The following CD109 variants were observed in gnomAD, a reference collection of about 807,000 sequenced individuals.
CD109 encodes CD109 antigen.
CD109 carries 149 observed loss-of-function variants against 165.8 expected under a neutral mutation model. The ratio of observed to expected loss-of-function variants is 0.90; its 90% confidence interval spans 0.79 to 1.03. The LOEUF is 1.03. Ranked by LOEUF, CD109 falls within the 50% of genes least tolerant of loss-of-function variation. The probability of loss-of-function intolerance (pLI) is 0.00; values close to 1 mark genes in which losing one functional copy is unlikely to be tolerated. For synonymous variants in CD109, 585 were observed against 592.1 expected, an observed-to-expected ratio of 0.99 and a Z score of 0.18; for missense variants, 1,712 against 1,677.8, an observed-to-expected ratio of 1.02 and a Z score of -0.36.
intron 24 of CD109, among the ~76,000 whole-genome samples, chr6:73,806,116 T>C (rs1775552175): frequency 1.3e-5 from 2 of 152,160 alleles, no homozygotes; most frequent in African/African-American, 4.8e-5. Context: ...CCAGCCCAAA[T>C]GTCCATCAAT....
At chr6:73,708,655 T>C (rs373463778) in intron 2 of CD109, among the ~76,000 whole-genome samples, 5 of 152,092 alleles carry the variant, frequency 3.3e-5, no homozygotes, top group Non-Finnish European at 7.4e-5. Flanking sequence ...TCCTCTCCAG[T>C]ACCTGTTGTT....
chr6:73,725,651 G>A (rs1388174984), intron 3 of CD109, among the ~76,000 whole-genome samples: 2 of 151,870 alleles, frequency 1.3e-5, no homozygotes, highest in African/African-American at 2.4e-5. Context: ...TGGGATTACA[G>A]GCATGCACCA....
intron 15 of CD109, 72 bp downstream of exon 15, chr6:73,771,653 T>C (rs145643478): frequency 5.7e-6 from 6 of 1,045,500 alleles, no homozygotes; most frequent in Non-Finnish European, 7.9e-6. Flanking sequence ...TGTACTACTT[T>C]AAATATTTAA....
chr6:73,702,324 A>G (rs1398423815), intron 2 of CD109, among the ~76,000 whole-genome samples: 1 of 152,114 alleles, frequency 6.6e-6, no homozygotes, highest in African/African-American at 2.4e-5. Flanking sequence ...AAATCATCCA[A>G]TTTGGTTTGG....
chr6:73,707,962 T>TTATATATATATATATATA (rs200081535), intron 2 of CD109, among the ~76,000 whole-genome samples: 1 of 126,820 alleles, frequency 7.9e-6, no homozygotes, highest in Non-Finnish European at 1.6e-5. Flanking sequence ...ATTGTTATCT[T>TTATATATATATATATATA]TATATATATA....
rs553894994 is a variant in CD109 at position 73,745,782 on chromosome 6, G to A, written c.633+9274G>A. On this transcript the variant is annotated intron_variant, in intron 5 of 32. Transcript: ENST00000287097. ...CTCGCTGTGTCACCCAGGCTGGAGT[G>A]CAGTGGCACAATCTTGGCTTACTGT... is the stretch of plus-strand genomic sequence containing the variant. 4.0e-3 allele frequency among the ~76,000 whole-genome samples: 606 copies of A among 152,332 alleles called. 1 individual carries two copies. Among genetic ancestry groups the A allele is most frequent in the Non-Finnish European group, 5.4e-3 (370 of 68,030 alleles).
the CD109 span, among the ~76,000 whole-genome samples, chr6:73,681,614 T>G: frequency 6.6e-6 from 1 of 151,156 alleles, no homozygotes; most frequent in Non-Finnish European, 1.5e-5. Flanking sequence ...CCACTTTTTT[T>G]TTTTTGAAAT....
intron 2 of CD109, among the ~76,000 whole-genome samples, chr6:73,704,887 G>C (rs7774274): frequency 1.3e-5 from 2 of 151,882 alleles, no homozygotes; most frequent in Non-Finnish European, 2.9e-5. Context: ...ATACAATGCG[G>C]TTTGTAAATA....
intron 15 of CD109, among the ~76,000 whole-genome samples, chr6:73,774,654 G>A (rs1218667268): frequency 6.6e-6 from 1 of 152,194 alleles, no homozygotes; most frequent in Non-Finnish European, 1.5e-5. Flanking sequence ...TGGCAGTGAA[G>A]TTGCCAGGAC....
At chr6:73,679,322 A>G in the CD109 span, among the ~76,000 whole-genome samples, 1 of 152,056 alleles carries the variant, frequency 6.6e-6, no homozygotes, top group African/African-American at 2.4e-5. Context: ...AGTCTAACAA[A>G]GTATATTTTG....
At chr6:73,696,988 A>G (rs572170147) in intron 1 of CD109, among the ~76,000 whole-genome samples, 1 of 152,322 alleles carries the variant, frequency 6.6e-6, no homozygotes, top group Non-Finnish European at 1.5e-5. Flanking sequence ...GCAAAATCTT[A>G]GTTAAAAAAT....
At chr6:73,710,857 A>C (rs1448886573) in intron 2 of CD109, among the ~76,000 whole-genome samples, 1 of 152,184 alleles carries the variant, frequency 6.6e-6, no homozygotes, top group African/African-American at 2.4e-5. Context: ...CAGCTGCTCA[A>C]CTCTGCCTTT....
intron 15 of CD109, among the ~76,000 whole-genome samples, chr6:73,774,704 A>AT (rs1353599929): frequency 6.6e-6 from 1 of 152,176 alleles, no homozygotes; most frequent in Non-Finnish European, 1.5e-5. Context: ...AAATAAGAGC[A>AT]AAGTTTAAAA....
At chr6:73,735,664 T>C (rs6924739) in intron 4 of CD109, among the ~76,000 whole-genome samples, 89,991 of 151,882 alleles carry the variant, frequency 0.59, 27,520 homozygotes, top group East Asian at 0.81. Context: ...AACATCTCTC[T>C]AATATGCTTT....
rs1562081498 is a variant in CD109, at chr6:73,807,020, T to C, written c.3137T>C (p.Val1046Ala). 6.2e-7 allele frequency: 1 copy of C among 1,613,996 alleles called. No individual in the cohort carries two copies. The highest frequency in any genetic ancestry group is 8.5e-7 in the Non-Finnish European group (1 of 1,179,922). The change falls in exon 25 of 33, where the codon GTA becomes GCA. Residue 1046 changes from valine (V) to alanine (A), a missense_variant. Physicochemically the swap from Val to Ala is moderately conservative, Grantham distance 64. Coordinates refer to ENST00000287097, the MANE Select transcript of CD109 (RefSeq NM_133493.5). ...CTTCAAGGTGGCAATAAAAGTCCAGTAACACTTACAGCCTATATTGTAACT... is the reference window on the plus strand; with the variant it reads ...CTTCAAGGTGGCAATAAAAGTCCAGCAACACTTACAGCCTATATTGTAACT... ...SELQGGNKSP[V>A]TLTAYIVTSL...
intron 1 of CD109, among the ~76,000 whole-genome samples, chr6:73,696,962 T>C (rs1770863957): frequency 6.6e-6 from 1 of 152,126 alleles, no homozygotes; most frequent in African/African-American, 2.4e-5. Context: ...AGGATAAAGG[T>C]TTGAATAAGA....
Position 73,696,276 on chromosome 6 carries a change from G to A in CD109, c.61G>A (p.Ala21Thr), listed in dbSNP as rs1770829392. 2.0e-6 allele frequency: 3 copies of A among 1,527,736 alleles called. No homozygotes were observed. Among genetic ancestry groups the A allele is most frequent in the Non-Finnish European group, 8.7e-7 (1 of 1,143,042 alleles). The allele number at this position is 1,527,736 out of a possible 1,614,324, so 94.6% of individuals were successfully genotyped here. Residue 21 changes from alanine (A) to threonine (T), a missense_variant, in exon 1 of 33, where the codon GCC (alanine) becomes ACC (threonine). By Grantham distance (58) the Ala-to-Thr change is moderately conservative (BLOSUM62 0). Transcript: ENST00000287097. Reference sequence around the variant, plus strand: ...CCTCTGCGTGTGCACCGCCGCGCTGGCCGTGGCTCCCGGGTAGGAACGTGG... The same window carrying A: ...CCTCTGCGTGTGCACCGCCGCGCTGACCGTGGCTCCCGGGTAGGAACGTGG... ...HLLCVCTAAL[A>T]VAPGPRFLVT...
chr6:73,695,505 C>G (rs1770783250), upstream of CD109: 1 of 151,880 alleles, frequency 6.6e-6, no homozygotes, highest in African/African-American at 2.4e-5. Context: ...TTCCAAGTAG[C>G]AACACCTAAC....
intron 29 of CD109, among the ~76,000 whole-genome samples, chr6:73,814,280 G>A (rs1775854209): frequency 6.6e-6 from 1 of 152,092 alleles, no homozygotes; most frequent in Non-Finnish European, 1.5e-5. Flanking sequence ...AAAAGGGGAT[G>A]AGGTAAAACA....
Sources: gnomAD v4.1 joint callset for allele counts (sites outside exome capture counted in the v4.1 genomes callset) on GRCh38, gnomAD v4.1.1 for gene constraint, MANE v1.5 for transcripts, NCBI Gene and HGNC (gene_info 2026-07-23, HGNC 2026-07-21) for gene names.